Variants in ADCY3 observed in about 807,000 individuals in gnomAD.
The protein encoded by ADCY3 is adenylate cyclase type 3.
A neutral mutation model predicts 119.4 loss-of-function variants in ADCY3; 70 were observed. The observed-to-expected ratio is 0.59, with a 90% CI of 0.48 to 0.72. The LOEUF is 0.72. Among genes scored for constraint, ADCY3 ranks in the 30% least tolerant of loss-of-function variants. The probability of loss-of-function intolerance (pLI) is 0.00; values close to 1 mark genes in which losing one functional copy is unlikely to be tolerated. For missense variants in ADCY3, 1,238 were observed against 1,541.6 expected, an observed-to-expected ratio of 0.80 and a Z score of 3.30; for synonymous variants, 672 against 621.4, an observed-to-expected ratio of 1.08 and a Z score of -1.21.
intron 20 of ADCY3, 92 bp from the exon 21 acceptor site, chr2:24,820,940 GC>G (rs1667556542): frequency 6.6e-7 from 1 of 1,524,528 alleles, no homozygotes; most frequent in South Asian, 1.3e-5. Context: ...GTACCACAAA[GC>G]TCCTAATGTA....
chr2:24,832,857 C>T (rs1045661211), intron 11 of ADCY3, among the ~76,000 whole-genome samples: 2 of 152,142 alleles, frequency 1.3e-5, no homozygotes, highest in African/African-American at 2.4e-5. Context: ...CTTTGCCTCT[C>T]CACTCTCATC....
At chr2:24,858,480 AG>A (rs1673268621) in intron 3 of ADCY3, among the ~76,000 whole-genome samples, 1 of 152,240 alleles carries the variant, frequency 6.6e-6, no homozygotes. Flanking sequence ...TAGAGCCAGG[AG>A]GAAGTGCCAG....
intron 12 of ADCY3, among the ~76,000 whole-genome samples, chr2:24,831,238 A>T (rs1669454261): frequency 6.6e-6 from 1 of 151,624 alleles, no homozygotes; most frequent in Non-Finnish European, 1.5e-5. Context: ...ATTAAAAAAA[A>T]AAAAAACTCT....
intron 2 of ADCY3, among the ~76,000 whole-genome samples, chr2:24,883,418 A>G (rs1676652215): frequency 2.0e-5 from 3 of 152,190 alleles, no homozygotes; most frequent in African/African-American, 7.2e-5. Flanking sequence ...AGAGGGGAGA[A>G]GTCAGCAAAG....
intron 3 of ADCY3, among the ~76,000 whole-genome samples, chr2:24,843,292 G>A (rs1375523362): frequency 6.6e-6 from 1 of 152,118 alleles, no homozygotes; most frequent in Non-Finnish European, 1.5e-5. Context: ...GAGTGCAGTG[G>A]TGCAAACATG....
In ADCY3 at chr2:24,872,829, C is replaced by T. The variant is rs566352670; in HGVS notation, c.676-110G>A. 18 of 1,318,298 alleles carry T rather than the reference C, an allele frequency of 1.4e-5. 2 individuals are homozygous for T. In the South Asian group the frequency reaches 2.5e-4, roughly 19 times the overall value. 81.7% of individuals were successfully genotyped at this position (1,318,298 alleles called of 1,614,324 possible). A position where few individuals can be genotyped will look rare whatever the true frequency, so the allele number is the denominator to read the frequency against. ...GGGGTGGGTGGTGACCAAAATCAAA[C>T]CTCAAGTTGCCCAATGTCCAGGGAG... On this transcript the variant is annotated intron_variant, in intron 2 of 21. Transcript: ENST00000679454. This position sits in a 1 kb window ranked among gnomAD's most constrained non-coding sequence, Gnocchi z 4.4.
chr2:24,821,879 C>A, intron 19 of ADCY3: 1 of 506,800 alleles, frequency 2.0e-6, no homozygotes, highest in Non-Finnish European at 3.4e-6. Flanking sequence ...ACCTGTGAGT[C>A]TGACCACGAG....
intron 2 of ADCY3, among the ~76,000 whole-genome samples, chr2:24,890,366 T>C (rs928084111): frequency 6.6e-6 from 1 of 152,208 alleles, no homozygotes; most frequent in Non-Finnish European, 1.5e-5. Context: ...TCCCTCCTCT[T>C]CTACTTTCTG....
chr2:24,854,195 A>G (rs1021765003), intron 3 of ADCY3, among the ~76,000 whole-genome samples: 1 of 152,200 alleles, frequency 6.6e-6, no homozygotes, highest in African/African-American at 2.4e-5. Flanking sequence ...CTTCACTTGA[A>G]GCTACTTTTT....
rs149323114 is a variant in ADCY3, at chr2:24,892,952, C to T, written c.676-20233G>A. 1.1e-3 allele frequency among the ~76,000 whole-genome samples: 166 copies of T among 152,234 alleles called. 1 individual carries two copies. The highest frequency in any genetic ancestry group is 3.7e-3 in the African/African-American group (153 of 41,534). On this transcript the variant is annotated intron_variant, in intron 2 of 21. Transcript: ENST00000679454. The stretch of plus-strand genomic sequence containing the variant: ...GTGCTGGGATCACAAGTGTGAGCCA[C>T]CACACCTGGCCTATTTTTCTTTTAA...
chr2:24,826,408 G>C (rs1668626732), intron 15 of ADCY3: 2 of 356,450 alleles, frequency 5.6e-6, no homozygotes, highest in African/African-American at 2.1e-5. Flanking sequence ...TGCATTGCCT[G>C]ACTGATCACA....
intron 3 of ADCY3, among the ~76,000 whole-genome samples, chr2:24,845,558 G>T (rs1671562434): frequency 6.6e-6 from 1 of 152,244 alleles, no homozygotes; most frequent in Admixed American, 6.5e-5. Context: ...AAGCATTCAA[G>T]ACGTGACTTG....
intron 2 of ADCY3, among the ~76,000 whole-genome samples, chr2:24,903,921 T>C (rs909531944): frequency 6.6e-6 from 1 of 152,132 alleles, no homozygotes; most frequent in African/African-American, 2.4e-5. Context: ...AGGTTCTCCA[T>C]ATGAAAGGAA....
Position 24,918,587 on chromosome 2 carries a change from A to G in ADCY3, c.401T>C (p.Val134Ala). Residue 134 changes from valine (V) to alanine (A), a missense_variant, in exon 2 of 22, where the codon GTC (valine) becomes GCC (alanine). Val to Ala is a moderately conservative substitution (Grantham distance 64). Transcript: ENST00000679454. The surrounding 1 kb of genome is among the most constrained non-coding windows in gnomAD (Gnocchi z 5.4). ...CACGTAGGGCAGCACTCTGCGGGTGACCCGGTCCGGGAGCAGCCCCTTTTT... is the reference window on the plus strand; with the variant it reads ...CACGTAGGGCAGCACTCTGCGGGTGGCCCGGTCCGGGAGCAGCCCCTTTTT... ...LCKKGLLPDR[V>A]TRRVLPYVLW... The G allele has an allele frequency of 6.2e-7, 1 of 1,614,084 alleles. No individual in the cohort carries two copies. Among genetic ancestry groups the G allele is most frequent in the East Asian group, 2.2e-5 (1 of 44,872 alleles).
chr2:24,912,865 A>G (rs188097614), intron 2 of ADCY3, among the ~76,000 whole-genome samples: 117 of 152,332 alleles, frequency 7.7e-4, no homozygotes, highest in African/African-American at 2.7e-3. Context: ...CGGGGTCAGA[A>G]AAGGCCACAG....
intron 11 of ADCY3, among the ~76,000 whole-genome samples, chr2:24,833,420 G>A (rs1410919285): frequency 6.6e-6 from 1 of 152,164 alleles, no homozygotes; most frequent in Non-Finnish European, 1.5e-5. Context: ...CCCGCTTCCA[G>A]GCGTTACTGA....
At chr2:24,900,367 A>T (rs917590693) in intron 2 of ADCY3, among the ~76,000 whole-genome samples, 24 of 151,846 alleles carry the variant, frequency 1.6e-4, no homozygotes, top group Admixed American at 5.9e-4. Flanking sequence ...AATAAATAAA[A>T]AATTTTTTAA....
chr2:24,918,964 G>A lies in ADCY3; in HGVS notation c.24C>T (p.Ser8=), dbSNP rs138545287. The A allele has an allele frequency of 5.0e-6, 8 of 1,595,468 alleles. No homozygotes were observed. The East Asian group carries it at 9.1e-5, about 18-fold the overall frequency. The stretch of plus-strand genomic sequence containing the variant: ...AGTACTCGGCCGAGTATTCGGGCTC[G>A]GAGAAGCCCTGGTTCCTCGGCATAC... MPRNQGF[S]EPEYSAEYSA... is the part of the protein sequence containing the mutation. Residue 8 remains serine (S), a synonymous_variant, in exon 2 of 22, where the codon TCC becomes TCT. Coordinates refer to ENST00000679454, the MANE Select transcript of ADCY3 (RefSeq NM_004036.5). This position sits in a 1 kb window ranked among gnomAD's most constrained non-coding sequence, Gnocchi z 5.4.
chr2:24,857,649 T>C (rs1673169987), intron 3 of ADCY3, among the ~76,000 whole-genome samples: 1 of 152,228 alleles, frequency 6.6e-6, no homozygotes, highest in African/African-American at 2.4e-5. Context: ...CCAACTCTGA[T>C]GGGCAGAGAG....
Sources: gnomAD v4.1 joint callset for allele counts (sites outside exome capture counted in the v4.1 genomes callset) on GRCh38, gnomAD v4.1.1 for gene constraint, Gnocchi (gnomAD v3.1) non-coding constraint, MANE v1.5 for transcripts, NCBI Gene and HGNC (gene_info 2026-07-23, HGNC 2026-07-21) for gene names.